FGF14: variants seen among roughly 807,000 people sequenced by gnomAD.
FGF14 encodes the protein fibroblast growth factor 14.
FGF14 carries 5 observed loss-of-function variants against 25.5 expected under a neutral mutation model. The ratio of observed to expected loss-of-function variants is 0.20; its 90% CI spans 0.10 to 0.41. The LOEUF (loss-of-function observed/expected upper bound fraction) is 0.41. FGF14 is among the 10% of genes least tolerant of loss of function. The pLI is 1.00. For synonymous variants in FGF14, 138 were observed against 118.3 expected (o/e 1.17, Z -1.08); for missense variants, 222 against 320.1 (o/e 0.69, Z 2.34).
Position 101,796,823 on chromosome 13 carries a change from C to G in FGF14, c.409-70013G>C, listed in dbSNP as rs138941149. ...GCTTTAAGCCCCCCGGTTGGTAGTA[C>G]ATTGTTACGGCAGCCCTAGCAGACA... On this transcript the variant is annotated intron_variant, in intron 3 of 4. Transcript: ENST00000376143. 3.7e-3 allele frequency among the ~76,000 whole-genome samples: 563 copies of G among 152,228 alleles called. 3 individuals are homozygous for G. Among genetic ancestry groups the G allele is most frequent in the African/African-American group, 0.012 (514 of 41,554 alleles).
chr13:102,337,727 C>T (rs542639017), intron 1 of FGF14, among the ~76,000 whole-genome samples: 18 of 152,004 alleles, frequency 1.2e-4, no homozygotes, highest in Admixed American at 2.6e-4. Flanking sequence ...CACAGCCACC[C>T]CAAACTTGAG....
chr13:101,891,676 TTCTA>T (rs2029861677), intron 1 of FGF14, among the ~76,000 whole-genome samples: 1 of 152,052 alleles, frequency 6.6e-6, no homozygotes, highest in African/African-American at 2.4e-5. Flanking sequence ...ATATATGTAT[TTCTA>T]TATATATACA....
upstream of FGF14, among the ~76,000 whole-genome samples, chr13:101,917,020 C>T (rs2033590363): frequency 6.6e-6 from 1 of 151,686 alleles, no homozygotes; most frequent in Non-Finnish European, 1.5e-5. Context: ...CCTTCTCGCC[C>T]TGCCCGGCTC....
At chr13:102,285,960 G>T (rs1340313307) in intron 1 of FGF14, among the ~76,000 whole-genome samples, 2 of 152,156 alleles carry the variant, frequency 1.3e-5, no homozygotes, top group Non-Finnish European at 2.9e-5. Context: ...TACCCCTCAT[G>T]GAACAGGATT....
chr13:102,038,611 A>AT (rs1471444245), intron 1 of FGF14, among the ~76,000 whole-genome samples: 1 of 151,982 alleles, frequency 6.6e-6, no homozygotes, highest in African/African-American at 2.4e-5. Context: ...GAAATTCTTA[A>AT]TTTTTTTATT....
At chr13:101,999,142 A>G (rs555016207) in intron 1 of FGF14, among the ~76,000 whole-genome samples, 30 of 152,200 alleles carry the variant, frequency 2.0e-4, no homozygotes, top group Non-Finnish European at 3.7e-4. Flanking sequence ...TTATTATCTA[A>G]TTAGTCACAG....
chr13:102,070,956 AACACACACACACAC>A, intron 1 of FGF14, among the ~76,000 whole-genome samples: 1 of 148,896 alleles, frequency 6.7e-6, no homozygotes, highest in Admixed American at 6.7e-5. Context: ...AACAAAACAA[AACACACACACACAC>A]ACACACACAC....
At chr13:101,852,132 T>A (rs746953300) in intron 3 of FGF14, among the ~76,000 whole-genome samples, 1 of 152,162 alleles carries the variant, frequency 6.6e-6, no homozygotes, top group Non-Finnish European at 1.5e-5. Context: ...GAGGTGTTTT[T>A]ATTTTACTAA....
chr13:102,036,768 A>G (rs2041497754), intron 1 of FGF14, among the ~76,000 whole-genome samples: 1 of 152,148 alleles, frequency 6.6e-6, no homozygotes, highest in South Asian at 2.1e-4. Flanking sequence ...AAAGCTATGA[A>G]TTTCTACCTT....
At chr13:101,850,813 G>C (rs924133222) in intron 3 of FGF14, among the ~76,000 whole-genome samples, 11 of 151,048 alleles carry the variant, frequency 7.3e-5, no homozygotes, top group African/African-American at 9.7e-5. Flanking sequence ...TAGAAGTCAT[G>C]AGAATAATTT....
At chr13:101,805,948 A>G (rs1426176789) in intron 3 of FGF14, among the ~76,000 whole-genome samples, 4 of 152,078 alleles carry the variant, frequency 2.6e-5, no homozygotes, top group Non-Finnish European at 4.4e-5. Flanking sequence ...TATTCAATTT[A>G]GGTATATAAA....
chr13:102,381,185 A>G (rs1174249762), intron 1 of FGF14, among the ~76,000 whole-genome samples: 2 of 152,222 alleles, frequency 1.3e-5, no homozygotes, highest in African/African-American at 4.8e-5. Flanking sequence ...TGTAAAGTTG[A>G]GTAATAGTAA....
At chr13:102,044,951 G>C (rs56037212) in intron 1 of FGF14, among the ~76,000 whole-genome samples, 11,383 of 152,136 alleles carry the variant, frequency 0.075, 520 homozygotes, top group African/African-American at 0.11. Flanking sequence ...AGCAAATAGA[G>C]GTGTCTACTC....
intron 1 of FGF14, among the ~76,000 whole-genome samples, chr13:101,945,055 C>T (rs2035715605): frequency 6.6e-6 from 1 of 152,180 alleles, no homozygotes; most frequent in South Asian, 2.1e-4. Flanking sequence ...GTGGCTCACG[C>T]CTGTAATCCC....
At chr13:101,842,983 A>G (rs942853347) in intron 3 of FGF14, among the ~76,000 whole-genome samples, 3 of 152,088 alleles carry the variant, frequency 2.0e-5, no homozygotes, top group Non-Finnish European at 4.4e-5. Flanking sequence ...GATCATCCTA[A>G]CGACTGTTCG....
At chr13:102,365,252 T>C (rs1407161628) in intron 1 of FGF14, among the ~76,000 whole-genome samples, 1 of 151,866 alleles carries the variant, frequency 6.6e-6, no homozygotes, top group Admixed American at 6.6e-5. Context: ...ACACACAGCC[T>C]AGGCATGACA....
At chr13:102,397,539 T>C (rs1265385508) in intron 1 of FGF14, among the ~76,000 whole-genome samples, 1 of 152,184 alleles carries the variant, frequency 6.6e-6, no homozygotes, top group Non-Finnish European at 1.5e-5. Context: ...TAGATTATGA[T>C]TTATCTTAAA....
Position 102,161,570 on chromosome 13 carries a change from A to AAGAAGAAG in FGF14, c.208+239900_208+239901insCTTCTTCT. 3.4e-3 allele frequency among the ~76,000 whole-genome samples: 19 copies of AAGAAGAAG among 5,652 alleles called. 5 individuals are homozygous for AAGAAGAAG. Among genetic ancestry groups the AAGAAGAAG allele is most frequent in the African/African-American group, 0.015 (5 of 334 alleles). The allele number at this position is 5,652 out of a possible 152,430, so 3.7% of individuals were successfully genotyped here. A position where few individuals can be genotyped will look rare whatever the true frequency, so the allele number is the denominator to read the frequency against. ...TCTATGCAACCAACTTTCTGTGAAG[A>AAGAAGAAG]AAGAAAGAAGAAGAAGAAGAAGAAG... On this transcript the variant is annotated intron_variant, in intron 1 of 4. Transcript: ENST00000376131.
intron 3 of FGF14, among the ~76,000 whole-genome samples, chr13:101,834,970 G>A (rs1203135579): frequency 6.6e-6 from 1 of 152,124 alleles, no homozygotes; most frequent in Middle Eastern, 3.4e-3. Context: ...CATATTTGTT[G>A]TTGGTTCACA....
Sources: gnomAD v4.1 joint callset for allele counts (sites outside exome capture counted in the v4.1 genomes callset) on GRCh38, gnomAD v4.1.1 for gene constraint, MANE v1.5 for transcripts, NCBI Gene and HGNC (gene_info 2026-07-23, HGNC 2026-07-21) for gene names.